The following CLYBL variants were observed in gnomAD, a reference collection of about 807,000 sequenced individuals.
CLYBL encodes citramalyl-CoA lyase.
Under a neutral mutation model 38.9 loss-of-function variants are expected in CLYBL, and 31 were observed. The observed-to-expected ratio is 0.80, with a 90% confidence interval of 0.60 to 1.08. The LOEUF (loss-of-function observed/expected upper bound fraction) is 1.08, where lower values mean the gene tolerates loss of function less well. Among genes scored for constraint, CLYBL ranks in the 50% least tolerant of loss-of-function variants. The pLI, the probability that CLYBL is intolerant of heterozygous loss-of-function variation, is 0.00. For synonymous variants in CLYBL, 171 were observed against 158.6 expected (o/e 1.08, Z -0.59); for missense variants, 434 against 411.6 (o/e 1.05, Z -0.47).
At chr13:99,841,420 A>AAGAC (rs2051074147) in intron 2 of CLYBL, among the ~76,000 whole-genome samples, 1 of 152,234 alleles carries the variant, frequency 6.6e-6, no homozygotes, top group African/African-American at 2.4e-5. Flanking sequence ...ATTTATTTTT[A>AAGAC]AGACAGTCTC....
Position 99,606,760 on chromosome 13 carries a change from G to T in CLYBL, c.62+3G>T. On this transcript the variant is annotated splice_donor_region_variant and intron_variant, in intron 1 of 8. Transcript: ENST00000339105. ...GCGGCGGCGGCGCTGCTGAGGCTGT[G>T]AGTGCAGGTCCCCGTTCCCCGCCTT... 1 of 1,472,088 alleles carries T rather than the reference G, an allele frequency of 6.8e-7. No homozygotes were observed. Among genetic ancestry groups the T allele is most frequent in the Non-Finnish European group, 9.0e-7 (1 of 1,116,222 alleles). 91.2% of individuals were successfully genotyped at this position (1,472,088 alleles called of 1,614,324 possible).
At chr13:99,746,690 C>T (rs2048857133) in intron 1 of CLYBL, among the ~76,000 whole-genome samples, 1 of 152,188 alleles carries the variant, frequency 6.6e-6, no homozygotes, top group Middle Eastern at 3.2e-3. Flanking sequence ...AAAGAGAACT[C>T]AGGCTGGCGT....
rs189700686 is a variant in CLYBL, at chr13:99,832,747, A to G, written c.250-26114A>G. On this transcript the variant is annotated intron_variant, in intron 2 of 8. Transcript: ENST00000339105. ...GGCTTTCATATTATCCATTGGTGTC[A>G]CAGAGTGGGAGGAAAACATCAGTAA... is the stretch of plus-strand genomic sequence containing the variant. Among the ~76,000 whole-genome samples the G allele has an allele frequency of 7.9e-5, 12 of 151,958 alleles. No homozygotes were observed. The East Asian group carries it at 2.1e-3, about 27-fold the overall frequency.
rs115166512 is a variant in CLYBL, at chr13:99,849,538, C to T, written c.250-9323C>T. 2.6e-3 allele frequency among the ~76,000 whole-genome samples: 390 copies of T among 152,258 alleles called. 3 individuals are homozygous for T. The highest frequency in any genetic ancestry group is 8.8e-3 in the African/African-American group (367 of 41,544). On this transcript the variant is annotated intron_variant, in intron 2 of 8. Transcript: ENST00000339105. This position sits in a 1 kb window ranked among gnomAD's most constrained non-coding sequence, Gnocchi z 4.9. ...TTAAAAAAAGTCTGTGCAAAGTGTA[C>T]GTCAAAGCCACACTACTGAATCATA...
intron 1 of CLYBL, among the ~76,000 whole-genome samples, chr13:99,697,184 C>T (rs938874568): frequency 5.9e-5 from 9 of 152,142 alleles, no homozygotes; most frequent in African/African-American, 2.2e-4. Flanking sequence ...CTGCTTTCCT[C>T]ATCTGTAAAA....
intron 6 of CLYBL, among the ~76,000 whole-genome samples, chr13:99,866,713 T>C (rs1420709872): frequency 2.6e-5 from 4 of 151,764 alleles, no homozygotes; most frequent in Non-Finnish European, 5.9e-5. Context: ...ATGAGGCTGC[T>C]CAAAAAGTGT....
chr13:99,817,715 C>T (rs2050488808), intron 2 of CLYBL, among the ~76,000 whole-genome samples: 1 of 148,526 alleles, frequency 6.7e-6, no homozygotes, highest in Admixed American at 6.7e-5. Flanking sequence ...TAAAGAAAAA[C>T]CACTGGGCAG....
downstream of CLYBL, among the ~76,000 whole-genome samples, chr13:99,897,654 T>G (rs774003963): frequency 2.9e-4 from 44 of 152,142 alleles, 1 homozygote; most frequent in Admixed American, 2.0e-3. Context: ...TGTAAACATA[T>G]AGAAAACTGG....
intron 1 of CLYBL, among the ~76,000 whole-genome samples, chr13:99,761,622 G>A (rs12875158): frequency 0.2 from 30,831 of 152,130 alleles, 3,219 homozygotes; most frequent in East Asian, 0.28. Flanking sequence ...GGGTAGCAGT[G>A]AACATAGGAG....
intron 7 of CLYBL, chr13:99,877,550 TA>T (rs1283053569): frequency 1.1e-5 from 4 of 364,168 alleles, no homozygotes; most frequent in African/African-American, 9.0e-5. Context: ...TTGGTTGTAT[TA>T]ATTAAAGAAT....
At chr13:99,715,011 A>G (rs958251008) in intron 1 of CLYBL, among the ~76,000 whole-genome samples, 1 of 152,192 alleles carries the variant, frequency 6.6e-6, no homozygotes, top group Non-Finnish European at 1.5e-5. Flanking sequence ...TTATTTGTGT[A>G]TGGAACTGAT....
rs542378018 is a variant in CLYBL at position 99,761,119 on chromosome 13, C to T, written c.63-11705C>T. Among the ~76,000 whole-genome samples, 375 of 152,172 alleles carry T rather than the reference C, an allele frequency of 2.5e-3. 1 individual carries two copies. Among genetic ancestry groups the T allele is most frequent in the Non-Finnish European group, 1.7e-3 (118 of 68,008 alleles). ...CTGTAATCCCAGCACTTTGGGAGGC[C>T]GAGGCAGGCAGATCACGAGATCAGG... On this transcript the variant is annotated intron_variant, in intron 1 of 8. Transcript: ENST00000339105.
chr13:99,672,668 T>C (rs970518369), intron 1 of CLYBL, among the ~76,000 whole-genome samples: 1 of 151,538 alleles, frequency 6.6e-6, no homozygotes, highest in Admixed American at 6.6e-5. Flanking sequence ...CCCAGCTTCT[T>C]GGGAGGTGTG....
chr13:99,899,687 A>T (rs1271615245), downstream of CLYBL, among the ~76,000 whole-genome samples: 4 of 152,188 alleles, frequency 2.6e-5, no homozygotes, highest in African/African-American at 2.4e-5. Flanking sequence ...ATAATTTTTT[A>T]AAATAATTTT....
chr13:99,761,306 T>TCGTGC (rs2049161042), intron 1 of CLYBL, among the ~76,000 whole-genome samples: 2 of 152,304 alleles, frequency 1.3e-5, no homozygotes, highest in East Asian at 3.9e-4. Flanking sequence ...TGAGCCAAGA[T>TCGTGC]CGTGCCACTC....
downstream of CLYBL, among the ~76,000 whole-genome samples, chr13:99,901,390 TA>T (rs2052640117): frequency 6.6e-6 from 1 of 152,100 alleles, no homozygotes; most frequent in South Asian, 2.1e-4. Flanking sequence ...GTTTTGGAGG[TA>T]AATCGAATGT....
chr13:99,866,300 T>C lies in CLYBL; in HGVS notation c.695T>C (p.Ile232Thr), dbSNP rs771460003. The C allele has an allele frequency of 4.3e-6, 7 of 1,614,014 alleles. No homozygotes were observed. The African/African-American group carries it at 6.7e-5, about 15-fold the overall frequency. Reference protein sequence around the residue: ...ILYARQKIVVIAKAFGLQAID... With the variant: ...ILYARQKIVVTAKAFGLQAID... The stretch of plus-strand genomic sequence containing the variant: ...TACGCCCGGCAAAAGATTGTTGTCA[T>C]AGCGAAAGCCTTTGGTCTCCAAGCC... Residue 232 changes from isoleucine (I) to threonine (T), a missense_variant, in exon 6 of 9, where the codon ATA becomes ACA. Transcript: ENST00000339105.
At chr13:99,794,521 T>C (rs1290810438) in intron 2 of CLYBL, among the ~76,000 whole-genome samples, 6 of 151,940 alleles carry the variant, frequency 3.9e-5, no homozygotes, top group Non-Finnish European at 5.9e-5. Context: ...TAGTATTCTT[T>C]TCAGTTTTTA....
chr13:99,711,673 T>C (rs2048235601), intron 1 of CLYBL, among the ~76,000 whole-genome samples: 2 of 152,014 alleles, frequency 1.3e-5, no homozygotes, highest in Non-Finnish European at 2.9e-5. Context: ...CCCAAAGTGC[T>C]GGGATTACAG....
Sources: gnomAD v4.1 joint callset for allele counts (sites outside exome capture counted in the v4.1 genomes callset) on GRCh38, gnomAD v4.1.1 for gene constraint, Gnocchi (gnomAD v3.1) non-coding constraint, MANE v1.5 for transcripts, NCBI Gene and HGNC (gene_info 2026-07-23, HGNC 2026-07-21) for gene names.